The following SAMD4B variants were observed in gnomAD, a reference collection of about 807,000 sequenced individuals.
The protein encoded by SAMD4B is protein Smaug homolog 2.
A neutral mutation model predicts 74.5 loss-of-function variants in SAMD4B; 5 were observed. That is an observed-to-expected ratio of 0.07 (90% CI 0.04 to 0.14). The LOEUF is 0.14. SAMD4B is among the 10% of genes least tolerant of loss of function. The probability of loss-of-function intolerance (pLI) is 1.00; values close to 1 mark genes in which losing one functional copy is unlikely to be tolerated. For synonymous variants in SAMD4B, 373 were observed against 374.9 expected (o/e 1.00, Z 0.06); for missense variants, 608 against 921.8 (o/e 0.66, Z 4.41).
chr19:39,389,798 CA>C (rs1483894425), downstream of SAMD4B: 1 of 1,613,192 alleles, frequency 6.2e-7, no homozygotes. This position sits in a 1 kb window ranked among gnomAD's most constrained non-coding sequence, Gnocchi z 5.3. Context: ...GTTTGGATTC[CA>C]GCTTCACCCC....
downstream of SAMD4B, chr19:39,388,372 C>T (rs1361733747): frequency 1.2e-6 from 2 of 1,614,082 alleles, no homozygotes; most frequent in East Asian, 2.2e-5. Flanking sequence ...AACCCCGTCA[C>T]CCTCTCGGAA....
chr19:39,371,996 C>CTCACCAAGGGGAGGGG (rs1194232108), intron 4 of SAMD4B, among the ~76,000 whole-genome samples: 1 of 152,186 alleles, frequency 6.6e-6, no homozygotes, highest in Non-Finnish European at 1.5e-5. Flanking sequence ...ATGCTCATCC[C>CTCACCAAGGGGAGGGG]TCACCAAGGG....
downstream of SAMD4B, chr19:39,389,216 G>T (rs889706101): frequency 3.1e-6 from 5 of 1,610,980 alleles, no homozygotes; most frequent in Non-Finnish European, 4.2e-6. This position sits in a 1 kb window ranked among gnomAD's most constrained non-coding sequence, Gnocchi z 5.3. Flanking sequence ...TGAAGAAAAA[G>T]GTCCTTAGGG....
downstream of SAMD4B, chr19:39,389,271 T>A (rs1350957767): frequency 1.2e-6 from 2 of 1,612,294 alleles, no homozygotes; most frequent in Non-Finnish European, 1.7e-6. The surrounding 1 kb of genome is among the most constrained non-coding windows in gnomAD (Gnocchi z 5.3). Flanking sequence ...CTCTTCCTGT[T>A]AGTAACTTAC....
At chr19:39,371,309 T>G (rs73547907) in intron 4 of SAMD4B, among the ~76,000 whole-genome samples, 6,045 of 152,230 alleles carry the variant, frequency 0.04, 454 homozygotes, top group African/African-American at 0.14. Flanking sequence ...CATCAGTTAT[T>G]CCTTGAGCCT....
chr19:39,368,150 C>T (rs1388529422), intron 3 of SAMD4B, among the ~76,000 whole-genome samples: 1 of 151,936 alleles, frequency 6.6e-6, no homozygotes, highest in Non-Finnish European at 1.5e-5. Flanking sequence ...GAAGGTGGAG[C>T]TTGCAGTGAG....
Position 39,377,694 on chromosome 19 carries a change from C to T in SAMD4B, c.1314C>T (p.Ala438=). 1 of 1,614,236 alleles carries T rather than the reference C, an allele frequency of 6.2e-7. No homozygotes were observed. Among genetic ancestry groups the T allele is most frequent in the Non-Finnish European group, 8.5e-7 (1 of 1,180,040 alleles). ...CCGGCACAGACAAAGGCACCGAGGC[C>T]AAGGACCCTCCAGCTGTGGAGAACT... ...AHPGTDKGTE[A]KDPPAVENYP... is the part of the protein sequence containing the mutation. The change falls in exon 8 of 14, where the codon GCC becomes GCT. Residue 438 remains alanine, a synonymous_variant. Transcript: ENST00000610417.
chr19:39,343,974 T>G (rs1429983107), intron 1 of SAMD4B, among the ~76,000 whole-genome samples: 1 of 108,062 alleles, frequency 9.3e-6, no homozygotes, highest in Non-Finnish European at 1.8e-5. Flanking sequence ...GATATGCAGG[T>G]TTTCAGGACC....
At chr19:39,357,151 TG>T (rs2076380257) in intron 3 of SAMD4B, 62 bp downstream of exon 3, 2 of 1,448,432 alleles carry the variant, frequency 1.4e-6, no homozygotes, top group Non-Finnish European at 1.9e-6. Flanking sequence ...AGATGTCACA[TG>T]GCTAAGAAGG....
intron 3 of SAMD4B, among the ~76,000 whole-genome samples, chr19:39,366,879 C>T (rs2076992265): frequency 6.6e-6 from 1 of 152,100 alleles, no homozygotes; most frequent in Admixed American, 6.6e-5. Flanking sequence ...CTTATAGGTG[C>T]TTATTCCTAG....
intron 3 of SAMD4B, among the ~76,000 whole-genome samples, chr19:39,367,936 C>T (rs138920070): frequency 2.6e-3 from 386 of 151,244 alleles, no homozygotes; most frequent in Non-Finnish European, 4.2e-3. Flanking sequence ...AACCTGAGGC[C>T]GGGCGCAGTG....
rs1472408828 is a variant in SAMD4B at position 39,356,844 on chromosome 19, G to A, written c.-50G>A. ...GCCAGAGCCGGGACCATGTGACGGC[G>A]CTGGCCCTCGCCACCGCCGTCCCCC... On this transcript the variant is annotated 5_prime_UTR_variant, in exon 3 of 14. Coordinates refer to ENST00000610417, the MANE Select transcript of SAMD4B (RefSeq NM_001384574.2). 2.7e-6 allele frequency: 4 copies of A among 1,505,064 alleles called. No homozygotes were observed. The highest frequency in any genetic ancestry group is 3.8e-5 in the Admixed American group (2 of 52,240). 93.2% of individuals were successfully genotyped at this position (1,505,064 alleles called of 1,614,324 possible).
At chr19:39,376,309 TC>T in intron 5 of SAMD4B, 127 bp from the exon 6 acceptor site, 4 of 698,216 alleles carry the variant, frequency 5.7e-6, no homozygotes, top group Non-Finnish European at 7.2e-6. Flanking sequence ...GAACCTTAGC[TC>T]CCCCCAACCC....
chr19:39,386,629 C>CGAGGG, downstream of SAMD4B: 6 of 1,601,810 alleles, frequency 3.7e-6, no homozygotes, highest in Non-Finnish European at 5.1e-6. The surrounding 1 kb of genome is among the most constrained non-coding windows in gnomAD (Gnocchi z 6.1). Context: ...GGTTTTTGTC[C>CGAGGG]CCCTCCTCAC....
chr19:39,388,931 C>G (rs748220213), downstream of SAMD4B: 60 of 1,613,768 alleles, frequency 3.7e-5, no homozygotes, highest in Non-Finnish European at 5.0e-5. Context: ...TTTCTACCTC[C>G]CACCTTGGGC....
chr19:39,377,749 G>A lies in SAMD4B; in HGVS notation c.1369G>A (p.Asp457Asn). 6.2e-7 allele frequency: 1 copy of A among 1,614,166 alleles called. No individual in the cohort carries two copies. The highest frequency in any genetic ancestry group is 8.5e-7 in the Non-Finnish European group (1 of 1,180,004). The change falls in exon 8 of 14, where the codon GAT becomes AAT. Residue 457 changes from aspartate to asparagine, a missense_variant. Asp to Asn is a conservative substitution (Grantham distance 23, BLOSUM62 1). Transcript: ENST00000610417. ...YPPPPAPAPTDGSEPAPAPVA... is the reference protein window; with the variant it reads ...YPPPPAPAPTNGSEPAPAPVA... ...ACCTCCACCAGCTCCAGCTCCCACT[G>A]ATGGCAGTGAGCCTGCCCCGGCTCC...
At chr19:39,351,533 A>T (rs780697558) in intron 1 of SAMD4B, 5 of 152,224 alleles carry the variant, frequency 3.3e-5, no homozygotes, top group Admixed American at 1.3e-4. Context: ...TTTCAGTTTT[A>T]ACTGAAACCC....
Position 39,380,037 on chromosome 19 carries a change from C to A in SAMD4B, c.1602C>A (p.Phe534Leu), listed in dbSNP as rs946763368. ...KQQVLKLLRT[F>L]PRKAALEMQN... ...AAGTGCTGAAGCTCCTCCGGACATT[C>A]CCGCGCAAAGCCGCACTAGAGATGC... Residue 534 changes from phenylalanine (F) to leucine (L), a missense_variant, in exon 10 of 14, where the codon TTC becomes TTA. Physicochemically the swap from Phe to Leu is conservative, Grantham distance 22. Transcript: ENST00000610417. 1 of 1,613,936 alleles carries A rather than the reference C, an allele frequency of 6.2e-7. No individual in the cohort carries two copies. Among genetic ancestry groups the A allele is most frequent in the South Asian group, 1.1e-5 (1 of 91,006 alleles).
intron 8 of SAMD4B, 136 bp downstream of exon 8, chr19:39,377,960 G>A: frequency 1.2e-6 from 1 of 865,958 alleles, no homozygotes. Flanking sequence ...ACTACAGAGA[G>A]TAGCCAAGAC....
Sources: allele counts gnomAD v4.1 joint callset (sites outside exome capture counted in the v4.1 genomes callset), GRCh38; gene constraint gnomAD v4.1.1; non-coding constraint Gnocchi (gnomAD v3.1); transcripts MANE v1.5; gene names NCBI Gene and HGNC (gene_info 2026-07-23, HGNC 2026-07-21).